DACH2: variants seen among roughly 807,000 people sequenced by gnomAD.
DACH2 encodes the protein dachshund homolog 2.
DACH2 carries 17 observed loss-of-function variants against 35.8 expected under a neutral mutation model. That is an observed-to-expected ratio of 0.48 (90% confidence interval 0.33 to 0.71). The LOEUF (loss-of-function observed/expected upper bound fraction) is 0.71. Among genes scored for constraint, DACH2 ranks in the 30% least tolerant of loss-of-function variants. DACH2 has a pLI of 0.02. For missense variants in DACH2, 469 were observed against 472.7 expected (o/e 0.99, Z 0.07); for synonymous variants, 195 against 177.3 (o/e 1.10, Z -0.79).
intron 1 of DACH2, among the ~76,000 whole-genome samples, chrX:86,224,290 A>G (rs963322316): frequency 2.7e-5 from 3 of 111,666 alleles, no homozygotes; most frequent in African/African-American, 9.8e-5. Flanking sequence ...TAAAAAACAA[A>G]TATATTCAGG....
chrX:86,272,226 G>A lies in DACH2; in HGVS notation c.489-104598G>A, dbSNP rs186288965. On this transcript the variant is annotated intron_variant, in intron 1 of 11. Transcript: ENST00000373125. ...TGTGTGTGTGTGTGTGTGTGTGTGT[G>A]TATATCACATTTTCTTTAATTACTT... Among the ~76,000 whole-genome samples, 970 of 110,033 alleles carry A rather than the reference G, an allele frequency of 8.8e-3. 16 individuals carry two copies. The highest frequency in any genetic ancestry group is 0.03 in the African/African-American group (920 of 30,205).
At chrX:86,403,236 A>C (rs1164039609) in intron 2 of DACH2, among the ~76,000 whole-genome samples, 1 of 112,278 alleles carries the variant, frequency 8.9e-6, no homozygotes, top group Non-Finnish European at 1.9e-5. Context: ...TTTTCATCAG[A>C]GTAAACAGGC....
At chrX:86,279,356 A>G (rs1021774377) in intron 1 of DACH2, among the ~76,000 whole-genome samples, 1 of 112,039 alleles carries the variant, frequency 8.9e-6, no homozygotes, top group African/African-American at 3.2e-5. Flanking sequence ...AACAGGCAGA[A>G]ATCTGCTGTT....
chrX:86,281,316 G>A (rs780826895), intron 1 of DACH2, among the ~76,000 whole-genome samples: 6 of 110,944 alleles, frequency 5.4e-5, no homozygotes, highest in Non-Finnish European at 9.4e-5. Context: ...TCAAGTTGGC[G>A]TCATCCCTCG....
rs1234339358 is a variant in DACH2 at position 86,149,064 on chromosome X, C to T, written c.444C>T (p.Thr148=). ...QPGVNRCKLI[T]RKDFETLFTD... ...GGGTAAACCGCTGCAAACTCATCACCAGGAAAGACTTCGAAACTTTGTTCA... is the reference window on the plus strand; with the variant it reads ...GGGTAAACCGCTGCAAACTCATCACTAGGAAAGACTTCGAAACTTTGTTCA... Residue 148 remains threonine, a synonymous_variant, in exon 1 of 12, where the codon ACC becomes ACT. Coordinates refer to ENST00000373125, the MANE Select transcript of DACH2 (RefSeq NM_053281.3). The T allele has an allele frequency of 3.4e-6, 4 of 1,192,952 alleles. No homozygotes were observed. The highest frequency in any genetic ancestry group is 1.8e-5 in the African/African-American group (1 of 57,024).
chrX:86,830,488 G>T (rs1321681203), intron 11 of DACH2: 1 of 111,492 alleles, frequency 9.0e-6, no homozygotes, highest in African/African-American at 3.3e-5. Context: ...GCAGCTATGG[G>T]AACTATTCCT....
At chrX:86,292,505 T>A (rs2034325947) in intron 1 of DACH2, among the ~76,000 whole-genome samples, 1 of 111,192 alleles carries the variant, frequency 9.0e-6, no homozygotes, top group African/African-American at 3.3e-5. Context: ...CTATTTCCTT[T>A]AATTGTGATG....
intron 2 of DACH2, among the ~76,000 whole-genome samples, chrX:86,404,920 G>A (rs1319298439): frequency 8.9e-6 from 1 of 112,269 alleles, no homozygotes; most frequent in African/African-American, 3.2e-5. Context: ...ACATCCATAG[G>A]CTCAACACCA....
At chrX:86,245,151 A>T (rs1030638467) in intron 1 of DACH2, among the ~76,000 whole-genome samples, 8 of 112,089 alleles carry the variant, frequency 7.1e-5, no homozygotes, top group African/African-American at 2.6e-4. Flanking sequence ...TTGTTTTATA[A>T]CTGTTATAGC....
intron 6 of DACH2, among the ~76,000 whole-genome samples, chrX:86,723,006 A>G (rs181106418): frequency 1.8e-5 from 2 of 111,708 alleles, no homozygotes; most frequent in Admixed American, 1.9e-4. Flanking sequence ...CCCGCTACTC[A>G]TTATTGTTCT....
chrX:86,266,454 G>A (rs1192475275), intron 1 of DACH2, among the ~76,000 whole-genome samples: 3 of 111,741 alleles, frequency 2.7e-5, no homozygotes, highest in Admixed American at 9.6e-5. Context: ...AATTTTGAAG[G>A]CCACTGCAAA....
intron 1 of DACH2, among the ~76,000 whole-genome samples, chrX:86,322,494 C>T (rs747242705): frequency 2.7e-5 from 3 of 111,606 alleles, no homozygotes; most frequent in Non-Finnish European, 5.7e-5. Flanking sequence ...GGTCCTAGCA[C>T]CATAATTGCC....
At chrX:86,765,708 T>G (rs1240752025) in intron 7 of DACH2, among the ~76,000 whole-genome samples, 4 of 96,821 alleles carry the variant, frequency 4.1e-5, no homozygotes, top group Non-Finnish European at 6.2e-5. Context: ...GTTTTTTTTT[T>G]TTTTTTTTTT....
chrX:86,760,096 A>C (rs2041865858), intron 7 of DACH2, among the ~76,000 whole-genome samples: 1 of 111,451 alleles, frequency 9.0e-6, no homozygotes, highest in African/African-American at 3.3e-5. Flanking sequence ...ATTATAAGTG[A>C]CTAGACACTA....
At chrX:86,490,247 A>G (rs1186398539) in intron 2 of DACH2, among the ~76,000 whole-genome samples, 1 of 112,089 alleles carries the variant, frequency 8.9e-6, no homozygotes, top group Non-Finnish European at 1.9e-5. Flanking sequence ...GCAAATATAG[A>G]TATCTCCTTT....
intron 7 of DACH2, among the ~76,000 whole-genome samples, chrX:86,802,190 C>T (rs2042300328): frequency 9.0e-6 from 1 of 111,454 alleles, no homozygotes; most frequent in African/African-American, 3.3e-5. Flanking sequence ...CCCACACCAG[C>T]AACTTTAGCA....
chrX:86,205,466 CTCCTTCCCTCCTTCCCTCCT>C (rs1569301533), intron 1 of DACH2, among the ~76,000 whole-genome samples: 17 of 43,488 alleles, frequency 3.9e-4, no homozygotes, highest in African/African-American at 2.5e-3. Context: ...CCCTCCCTCC[CTCCTTCCCTCCTTCCCTCCT>C]TCCCTCCTTC....
chrX:86,248,863 C>T (rs1291750604), intron 1 of DACH2, among the ~76,000 whole-genome samples: 4 of 110,779 alleles, frequency 3.6e-5, no homozygotes, highest in South Asian at 3.8e-4. Context: ...AATGATAGAA[C>T]GTAATAGGGA....
intron 1 of DACH2, among the ~76,000 whole-genome samples, chrX:86,293,752 C>T (rs1242084734): frequency 9.0e-6 from 1 of 111,129 alleles, no homozygotes; most frequent in African/African-American, 3.3e-5. Context: ...AATATTGGCC[C>T]CCACTCTCTT....
Sources: gnomAD v4.1 joint callset for allele counts (sites outside exome capture counted in the v4.1 genomes callset) on GRCh38, gnomAD v4.1.1 for gene constraint, MANE v1.5 for transcripts, NCBI Gene and HGNC (gene_info 2026-07-23, HGNC 2026-07-21) for gene names.